Variants in TSC22D3 observed in about 807,000 individuals in gnomAD.
TSC22D3 encodes the protein TSC22 domain family protein 3.
Under a neutral mutation model 11.1 loss-of-function variants are expected in TSC22D3, and 4 were observed. That is an observed-to-expected ratio of 0.36 (90% CI 0.18 to 0.83). The LOEUF (loss-of-function observed/expected upper bound fraction) is 0.83, where lower values mean the gene tolerates loss of function less well. TSC22D3 is among the 40% of genes least tolerant of loss of function. The probability of loss-of-function intolerance (pLI) is 0.48; values close to 1 mark genes in which losing one functional copy is unlikely to be tolerated. For missense variants in TSC22D3, 118 were observed against 159.4 expected (o/e 0.74, Z 1.40); for synonymous variants, 77 against 70.3 (o/e 1.10, Z -0.48).
At chrX:107,742,112 C>A (rs1272277013) in intron 1 of TSC22D3, among the ~76,000 whole-genome samples, 1 of 110,532 alleles carries the variant, frequency 9.0e-6, no homozygotes, top group South Asian at 3.9e-4. Flanking sequence ...CCTCCCCCAA[C>A]ACCTCGGCAA....
At chrX:107,756,597 A>G (rs774327306) in intron 1 of TSC22D3, among the ~76,000 whole-genome samples, 3 of 112,302 alleles carry the variant, frequency 2.7e-5, no homozygotes, top group Non-Finnish European at 5.6e-5. Context: ...TGGCCAGGAT[A>G]CAGTCCTGAG....
intron 1 of TSC22D3, among the ~76,000 whole-genome samples, chrX:107,729,668 G>C (rs1927796845): frequency 8.9e-6 from 1 of 112,636 alleles, no homozygotes; most frequent in Admixed American, 9.3e-5. Flanking sequence ...GAGGGAGGCA[G>C]GGGAGTGGGG....
intron 1 of TSC22D3, among the ~76,000 whole-genome samples, chrX:107,746,335 G>A (rs1453887536): frequency 9.0e-6 from 1 of 111,608 alleles, no homozygotes; most frequent in African/African-American, 3.3e-5. Flanking sequence ...GGCCAAGACG[G>A]TTCTCCCAGG....
At chrX:107,756,115 C>T (rs1929163558) in intron 1 of TSC22D3, among the ~76,000 whole-genome samples, 1 of 111,977 alleles carries the variant, frequency 8.9e-6, no homozygotes, top group Non-Finnish European at 1.9e-5. Context: ...GCTCCTGTTA[C>T]ATATCTTCTG....
intron 1 of TSC22D3, among the ~76,000 whole-genome samples, chrX:107,769,655 C>CTA (rs757794742): frequency 0.015 from 1,627 of 108,781 alleles, 27 homozygotes; most frequent in African/African-American, 0.049. Context: ...TATTTTACCA[C>CTA]TATATATATA....
intron 1 of TSC22D3, among the ~76,000 whole-genome samples, chrX:107,721,655 C>T (rs1057327508): frequency 8.9e-6 from 1 of 111,938 alleles, no homozygotes; most frequent in Non-Finnish European, 1.9e-5. Flanking sequence ...TCAGGAGAAG[C>T]GGAAAAAGAC....
chrX:107,755,123 C>G (rs1227970508), intron 1 of TSC22D3, among the ~76,000 whole-genome samples: 5 of 112,108 alleles, frequency 4.5e-5, no homozygotes, highest in African/African-American at 1.3e-4. Context: ...AAAGTTCAAA[C>G]TTTTTTCTTT....
At chrX:107,767,943 G>T (rs1455434784) in intron 1 of TSC22D3, among the ~76,000 whole-genome samples, 1 of 112,094 alleles carries the variant, frequency 8.9e-6, no homozygotes, top group African/African-American at 3.2e-5. Context: ...TGAGTTCACT[G>T]AGCACACAAA....
At chrX:107,714,834 G>A (rs985694028) in intron 2 of TSC22D3, 85 bp from the exon 3 acceptor site, 1 of 956,412 alleles carries the variant, frequency 1.0e-6, no homozygotes, top group Non-Finnish European at 1.5e-6. Context: ...TGGTGTGCCT[G>A]TGCTGTCCTT....
intron 1 of TSC22D3, among the ~76,000 whole-genome samples, chrX:107,718,649 G>T (rs1346334159): frequency 8.9e-6 from 1 of 112,872 alleles, no homozygotes; most frequent in Non-Finnish European, 1.9e-5. Flanking sequence ...TTTGGCTATG[G>T]TGTGGTGCTC....
At chrX:107,735,713 C>T (rs1188083207) in intron 1 of TSC22D3, among the ~76,000 whole-genome samples, 1 of 109,168 alleles carries the variant, frequency 9.2e-6, no homozygotes, top group African/African-American at 3.3e-5. Flanking sequence ...CTCCTTCTTC[C>T]CCTCAGCACC....
chrX:107,742,318 AGTGT>A (rs1203027384), intron 1 of TSC22D3, among the ~76,000 whole-genome samples: 1 of 38,156 alleles, frequency 2.6e-5, no homozygotes, highest in African/African-American at 1.1e-4. Flanking sequence ...AGAGAGAGAG[AGTGT>A]GTGTGCGCGC....
At chrX:107,741,467 T>G (rs1182392801) in intron 1 of TSC22D3, among the ~76,000 whole-genome samples, 2 of 112,697 alleles carry the variant, frequency 1.8e-5, no homozygotes, top group African/African-American at 6.5e-5. Context: ...ATCCAAGTCA[T>G]TAACTAATTA....
chrX:107,771,791 T>G (rs185612639), intron 1 of TSC22D3, among the ~76,000 whole-genome samples: 2 of 112,334 alleles, frequency 1.8e-5, no homozygotes, highest in African/African-American at 6.5e-5. Context: ...ACAGGTACCA[T>G]TTACATACCA....
At chrX:107,738,664 A>C (rs1451679949) in intron 1 of TSC22D3, among the ~76,000 whole-genome samples, 1 of 112,895 alleles carries the variant, frequency 8.9e-6, no homozygotes, top group Non-Finnish European at 1.9e-5. Flanking sequence ...TCTGCTGCCC[A>C]TGGGGCCAGA....
At position 107,744,065 on chromosome X, in the gene TSC22D3, G is replaced by A. The variant is rs959888613; in HGVS notation, c.321-28115C>T. ...AGCCTACTCCGTGGCCAGACTGTAGGTAGATGGTAAGGTTCACTAAGCTGA... is the reference window on the plus strand; with the variant it reads ...AGCCTACTCCGTGGCCAGACTGTAGATAGATGGTAAGGTTCACTAAGCTGA... On this transcript the variant is annotated intron_variant, in intron 1 of 2. Transcript: ENST00000372383. Among the ~76,000 whole-genome samples, 3 of 112,299 alleles carry A rather than the reference G, an allele frequency of 2.7e-5. No individual in the cohort carries two copies. The Admixed American group carries it at 2.8e-4, about 11-fold the overall frequency.
intron 1 of TSC22D3, among the ~76,000 whole-genome samples, chrX:107,754,099 T>C (rs751695268): frequency 2.2e-3 from 240 of 110,555 alleles, no homozygotes; most frequent in Non-Finnish European, 4.0e-3. Context: ...TTTGTATTTT[T>C]AGTAGAGACG....
intron 1 of TSC22D3, among the ~76,000 whole-genome samples, chrX:107,751,921 C>T (rs1358857695): frequency 8.9e-6 from 1 of 112,525 alleles, no homozygotes; most frequent in Non-Finnish European, 1.9e-5. Flanking sequence ...CTTTTGAAGG[C>T]CCAGGTTTAA....
chrX:107,714,864 C>T, intron 2 of TSC22D3, 115 bp from the exon 3 acceptor site: 1 of 709,158 alleles, frequency 1.4e-6, no homozygotes, highest in Non-Finnish European at 2.1e-6. Flanking sequence ...GCCCTCCAGC[C>T]TTCCCTCAGT....
Sources: allele counts gnomAD v4.1 joint callset (sites outside exome capture counted in the v4.1 genomes callset), GRCh38; gene constraint gnomAD v4.1.1; transcripts MANE v1.5; gene names NCBI Gene and HGNC (gene_info 2026-07-23, HGNC 2026-07-21).